The following CHMP3 variants were observed in gnomAD, a reference collection of about 807,000 sequenced individuals.
CHMP3 encodes charged multivesicular body protein 3.
CHMP3 carries 8 observed loss-of-function variants against 27.4 expected under a neutral mutation model. That is an observed-to-expected ratio of 0.29 (90% confidence interval 0.17 to 0.53). The LOEUF (loss-of-function observed/expected upper bound fraction) is 0.53. Ranked by LOEUF, CHMP3 falls within the 20% of genes least tolerant of loss-of-function variation. The pLI is 0.96. For missense variants in CHMP3, 208 were observed against 271.5 expected (o/e 0.77, Z 1.64); for synonymous variants, 86 against 85.5 (o/e 1.01, Z -0.03).
chr2:86,512,402 G>T (rs1440023109), intron 3 of CHMP3: 1 of 152,166 alleles, frequency 6.6e-6, no homozygotes, highest in African/African-American at 2.4e-5. Context: ...AGAACTGCAT[G>T]AAATAAAATT....
chr2:86,556,409 A>G (rs1677124478), intron 1 of CHMP3, among the ~76,000 whole-genome samples: 1 of 152,246 alleles, frequency 6.6e-6, no homozygotes, highest in South Asian at 2.1e-4. Context: ...GCTAGATTTC[A>G]AATGTCCAGG....
intron 1 of CHMP3, among the ~76,000 whole-genome samples, chr2:86,554,792 C>CAATA (rs1159402007): frequency 6.8e-6 from 1 of 147,746 alleles, no homozygotes; most frequent in Non-Finnish European, 1.5e-5. Flanking sequence ...AGAAGTCCAT[C>CAATA]AATAGAATAA....
rs1675824296 is a variant in CHMP3 at position 86,529,266 on chromosome 2, A to C, written c.238T>G (p.Ser80Ala). The change falls in exon 3 of 6, where the codon TCC becomes GCC. Residue 80 changes from serine (S) to alanine (A), a missense_variant. By Grantham distance (99) the Ser-to-Ala change is moderately conservative (BLOSUM62 1). Transcript: ENST00000263856. ...AGCACTGAGTTCATGTGTGCTTTGG[A>C]TGCATACAGCTTGCTCACAGCCTTC... The part of the protein sequence containing the change: ...SRKAVSKLYA[S>A]KAHMNSVLMG... 6.2e-7 allele frequency: 1 copy of C among 1,613,200 alleles called. No homozygotes were observed. Among genetic ancestry groups the C allele is most frequent in the Admixed American group, 1.7e-5 (1 of 59,844 alleles).
At chr2:86,557,741 C>A (rs1573310963) in intron 1 of CHMP3, among the ~76,000 whole-genome samples, 1 of 152,266 alleles carries the variant, frequency 6.6e-6, no homozygotes, top group East Asian at 1.9e-4. Flanking sequence ...TGTGACAAGA[C>A]CGAGACCGTC....
intron 3 of CHMP3, among the ~76,000 whole-genome samples, chr2:86,521,346 G>A (rs973022116): frequency 5.3e-5 from 8 of 152,186 alleles, no homozygotes; most frequent in Middle Eastern, 6.8e-3. Flanking sequence ...AGAATCCCAC[G>A]ATAGCTCAGC....
chr2:86,542,210 A>G, intron 2 of CHMP3, 42 bp downstream of exon 2: 1 of 1,601,216 alleles, frequency 6.2e-7, no homozygotes, highest in Non-Finnish European at 8.6e-7. Context: ...AGCAAAATAT[A>G]CCAAGAGGGT....
At chr2:86,536,019 G>A (rs1417552983) in intron 2 of CHMP3, among the ~76,000 whole-genome samples, 2 of 114,032 alleles carry the variant, frequency 1.8e-5, no homozygotes, top group Non-Finnish European at 3.4e-5. Context: ...TTTTTGAGAC[G>A]GAGTCTCGCT....
intron 2 of CHMP3, chr2:86,541,490 C>G (rs959266210): frequency 6.6e-5 from 10 of 152,120 alleles, no homozygotes; most frequent in Admixed American, 5.2e-4. Flanking sequence ...CTATGCTCTG[C>G]TTGGAATGTC....
intron 1 of CHMP3, among the ~76,000 whole-genome samples, chr2:86,547,285 T>C (rs1399968541): frequency 2.0e-5 from 3 of 152,230 alleles, no homozygotes; most frequent in Non-Finnish European, 2.9e-5. Context: ...CAAGATGTGA[T>C]GGGACAAAAA....
intron 1 of CHMP3, among the ~76,000 whole-genome samples, chr2:86,562,398 G>A (rs1677408004): frequency 1.3e-5 from 2 of 152,188 alleles, no homozygotes; most frequent in African/African-American, 4.8e-5. Context: ...TGGGTCTGGA[G>A]TGGTGTCCGA....
intron 1 of CHMP3, among the ~76,000 whole-genome samples, chr2:86,545,961 G>A (rs1676580170): frequency 1.3e-5 from 2 of 152,224 alleles, no homozygotes; most frequent in African/African-American, 2.4e-5. Flanking sequence ...TAGACGGGGT[G>A]GTGGCTGGGC....
At chr2:86,550,002 A>T (rs960760366) in intron 1 of CHMP3, among the ~76,000 whole-genome samples, 1 of 152,232 alleles carries the variant, frequency 6.6e-6, no homozygotes, top group African/African-American at 2.4e-5. Flanking sequence ...CTGTAATCTT[A>T]GCACTTTGGG....
chr2:86,552,989 A>C (rs1676969137), intron 1 of CHMP3, among the ~76,000 whole-genome samples: 1 of 139,896 alleles, frequency 7.1e-6, no homozygotes, highest in Admixed American at 7.3e-5. Context: ...GCAACAACAC[A>C]CACTGGAGCC....
At chr2:86,510,050 T>C (rs947724820) in intron 4 of CHMP3, among the ~76,000 whole-genome samples, 2 of 152,220 alleles carry the variant, frequency 1.3e-5, no homozygotes, top group African/African-American at 4.8e-5. Context: ...TTCCATCTCC[T>C]TGCCTATGTT....
intron 1 of CHMP3, among the ~76,000 whole-genome samples, chr2:86,546,932 CTTCT>C (rs1386225713): frequency 2.0e-5 from 3 of 152,134 alleles, no homozygotes; most frequent in Non-Finnish European, 2.9e-5. Flanking sequence ...TCAAGAAAGT[CTTCT>C]TTCTCAATAA....
chr2:86,546,891 T>G (rs747701685), intron 1 of CHMP3, among the ~76,000 whole-genome samples: 5 of 152,354 alleles, frequency 3.3e-5, no homozygotes, highest in Non-Finnish European at 5.9e-5. Context: ...GACCCTTTAC[T>G]GATATGGGAT....
In CHMP3 at chr2:86,542,181, GTTTATT is replaced by G; in HGVS notation, c.106+65_106+70del. On this transcript the variant is annotated intron_variant, in intron 2 of 5. Coordinates refer to ENST00000263856, the MANE Select transcript of CHMP3 (RefSeq NM_016079.4). ...CTATGTCTTATGATATATAAATGCA[GTTTATT>G]TTTATGAACTGAAGCAAAATATACC... The G allele has an allele frequency of 2.0e-6, 3 of 1,482,716 alleles. No individual in the cohort carries two copies. In the African/African-American group the frequency reaches 4.2e-5, roughly 21 times the overall value. The allele number at this position is 1,482,716 out of a possible 1,614,324, so 91.8% of individuals were successfully genotyped here. A position where few individuals can be genotyped will look rare whatever the true frequency, so the allele number is the denominator to read the frequency against.
At chr2:86,506,536 T>C (rs113737315) in intron 5 of CHMP3, among the ~76,000 whole-genome samples, 7 of 152,262 alleles carry the variant, frequency 4.6e-5, no homozygotes, top group African/African-American at 1.7e-4. Flanking sequence ...TTAACGAGTA[T>C]ATTTCTATAC....
At chr2:86,558,230 G>A (rs1677200360) in intron 1 of CHMP3, among the ~76,000 whole-genome samples, 1 of 152,108 alleles carries the variant, frequency 6.6e-6, no homozygotes, top group South Asian at 2.1e-4. Flanking sequence ...GACTGTTACA[G>A]GTTTCTAAAT....
Sources: gnomAD v4.1 joint callset for allele counts (sites outside exome capture counted in the v4.1 genomes callset) on GRCh38, gnomAD v4.1.1 for gene constraint, MANE v1.5 for transcripts, NCBI Gene and HGNC (gene_info 2026-07-23, HGNC 2026-07-21) for gene names.